ZCCHC17: variants seen among roughly 807,000 people sequenced by gnomAD.
The protein encoded by ZCCHC17 is zinc finger CCHC-type containing 17.
Under a neutral mutation model 30.6 loss-of-function variants are expected in ZCCHC17, and 18 were observed. That is an observed-to-expected ratio of 0.59 (90% CI 0.41 to 0.87). The LOEUF is 0.87. Ranked by LOEUF, ZCCHC17 falls within the 40% of genes least tolerant of loss-of-function variation. The pLI is 0.00. For synonymous variants in ZCCHC17, 88 were observed against 92.4 expected (o/e 0.95, Z 0.27); for missense variants, 263 against 284.2 (o/e 0.93, Z 0.54).
At chr1:31,325,283 A>G (rs1254685963) in intron 3 of ZCCHC17, among the ~76,000 whole-genome samples, 1 of 152,178 alleles carries the variant, frequency 6.6e-6, no homozygotes, top group Non-Finnish European at 1.5e-5. Context: ...CTTACCCTCC[A>G]GTTGTCTGCT....
At chr1:31,351,733 C>T (rs1252268039) in intron 7 of ZCCHC17, among the ~76,000 whole-genome samples, 2 of 152,134 alleles carry the variant, frequency 1.3e-5, no homozygotes, top group Non-Finnish European at 2.9e-5. Flanking sequence ...CAGAGCGAGA[C>T]CCTGCCTCAA....
intron 2 of ZCCHC17, among the ~76,000 whole-genome samples, chr1:31,317,378 G>A (rs1420395425): frequency 6.6e-6 from 1 of 152,076 alleles, no homozygotes; most frequent in Non-Finnish European, 1.5e-5. Flanking sequence ...ATCTTTTTGT[G>A]CTTCAGTGTC....
rs1279661466 is a variant in ZCCHC17, at chr1:31,338,904, C to A, written c.226-53C>A. 5 of 1,193,566 alleles carry A rather than the reference C, an allele frequency of 4.2e-6. No homozygotes were observed. In the African/African-American group the frequency reaches 6.1e-5, roughly 15 times the overall value. The allele number at this position is 1,193,566 out of a possible 1,614,324, so 73.9% of individuals were successfully genotyped here. The stretch of plus-strand genomic sequence containing the variant: ...ACGTTGACTCTTAATTTTAGACTGG[C>A]CATCTAAATGATGTATTTAAAGTTT... On this transcript the variant is annotated intron_variant, in intron 4 of 7. Coordinates refer to ENST00000344147, the MANE Select transcript of ZCCHC17 (RefSeq NM_016505.4).
chr1:31,307,854 C>T (rs909727012), intron 1 of ZCCHC17, among the ~76,000 whole-genome samples: 5 of 152,146 alleles, frequency 3.3e-5, no homozygotes, highest in Non-Finnish European at 5.9e-5. Flanking sequence ...GGATTACAGG[C>T]GTGAGCCACT....
At chr1:31,350,893 C>T (rs965024166) in intron 7 of ZCCHC17, among the ~76,000 whole-genome samples, 9 of 152,152 alleles carry the variant, frequency 5.9e-5, no homozygotes, top group Middle Eastern at 3.2e-3. Context: ...TGAGCCTCCG[C>T]GCCTGGCAAA....
At chr1:31,350,764 TAA>T (rs1296360691) in intron 7 of ZCCHC17, among the ~76,000 whole-genome samples, 1 of 152,130 alleles carries the variant, frequency 6.6e-6, no homozygotes, top group Non-Finnish European at 1.5e-5. Flanking sequence ...CATGCCCGGC[TAA>T]TTTTTGTATT....
chr1:31,298,368 T>G (rs561267021), intron 1 of ZCCHC17, among the ~76,000 whole-genome samples: 1 of 139,962 alleles, frequency 7.1e-6, no homozygotes, highest in Admixed American at 7.5e-5. Flanking sequence ...AGAAGATGAT[T>G]AGAGACCAGT....
intron 7 of ZCCHC17, among the ~76,000 whole-genome samples, chr1:31,350,947 ATGACAATGTTCT>A (rs1262841282): frequency 6.6e-6 from 1 of 152,130 alleles, no homozygotes; most frequent in African/African-American, 2.4e-5. Flanking sequence ...GTGATCTTTG[ATGACAATGTTCT>A]TGCAGAGGGA....
chr1:31,355,128 T>C (rs1008266167), intron 7 of ZCCHC17, among the ~76,000 whole-genome samples: 1 of 150,214 alleles, frequency 6.7e-6, no homozygotes, highest in South Asian at 2.1e-4. Context: ...TGAGCCGAGA[T>C]TGCGCCACTG....
chr1:31,329,206 C>T (rs1638481062), intron 3 of ZCCHC17, among the ~76,000 whole-genome samples: 1 of 152,118 alleles, frequency 6.6e-6, no homozygotes, highest in Admixed American at 6.5e-5. Context: ...GGAAAATGAA[C>T]AAATGTATTT....
intron 3 of ZCCHC17, among the ~76,000 whole-genome samples, chr1:31,324,837 A>G (rs72878207): frequency 0.093 from 14,063 of 150,644 alleles, 2,208 homozygotes; most frequent in African/African-American, 0.32. Context: ...AGAGGCAGAC[A>G]GGCTCCTGGG....
At chr1:31,300,251 G>A (rs961318117) in intron 1 of ZCCHC17, among the ~76,000 whole-genome samples, 7 of 152,128 alleles carry the variant, frequency 4.6e-5, no homozygotes, top group Non-Finnish European at 1.0e-4. Flanking sequence ...ATAGAGATAA[G>A]GTCTTGCCAT....
intron 1 of ZCCHC17, among the ~76,000 whole-genome samples, chr1:31,298,387 G>T (rs6688094): frequency 0.052 from 7,194 of 138,658 alleles, 398 homozygotes; most frequent in South Asian, 0.21. Flanking sequence ...GTTTTTTTTT[G>T]TTTTTTTTTT....
At chr1:31,327,428 C>CTG (rs1638401141) in intron 3 of ZCCHC17, among the ~76,000 whole-genome samples, 1 of 152,248 alleles carries the variant, frequency 6.6e-6, no homozygotes, top group South Asian at 2.1e-4. Context: ...GTAGTCCCCA[C>CTG]TCATCTGTGC....
chr1:31,337,109 T>A, intron 3 of ZCCHC17, 66 bp from the exon 4 acceptor site: 1 of 1,423,262 alleles, frequency 7.0e-7, no homozygotes, highest in Non-Finnish European at 9.7e-7. Context: ...TACCTTCTTA[T>A]CCAGTTTAGA....
At chr1:31,298,004 C>T (rs1434909338) in intron 1 of ZCCHC17, among the ~76,000 whole-genome samples, 3 of 152,200 alleles carry the variant, frequency 2.0e-5, no homozygotes, top group South Asian at 4.1e-4. Context: ...TACCACTGAG[C>T]CGTCTTCCCC....
intron 5 of ZCCHC17, among the ~76,000 whole-genome samples, chr1:31,345,931 G>T (rs1435369609): frequency 2.0e-5 from 3 of 152,084 alleles, no homozygotes; most frequent in African/African-American, 7.2e-5. Flanking sequence ...AGATTTTTGT[G>T]TGTGGGGGAA....
rs1646800627 is a variant in ZCCHC17, at chr1:31,319,101, C to T, written c.67-8C>T. On this transcript the variant is annotated splice_polypyrimidine_tract_variant and splice_region_variant and intron_variant, in intron 2 of 7. Coordinates refer to ENST00000344147, the MANE Select transcript of ZCCHC17 (RefSeq NM_016505.4). ...TGTGACATTGATTTTTTTCCCCCATCTTTATAGGTTGCTATGGTGACAGAC... is the reference window on the plus strand; with the variant it reads ...TGTGACATTGATTTTTTTCCCCCATTTTTATAGGTTGCTATGGTGACAGAC... The T allele has an allele frequency of 2.5e-6, 4 of 1,605,860 alleles. No homozygotes were observed. In the East Asian group the frequency reaches 8.9e-5, roughly 36 times the overall value.
chr1:31,319,330 G>A (rs760997580), intron 3 of ZCCHC17, among the ~76,000 whole-genome samples, 164 bp downstream of exon 3: 4 of 152,060 alleles, frequency 2.6e-5, no homozygotes, highest in East Asian at 3.9e-4. Flanking sequence ...CATTTTTAGC[G>A]GGCAGAGAAT....
Sources: gnomAD v4.1 joint callset for allele counts (sites outside exome capture counted in the v4.1 genomes callset) on GRCh38, gnomAD v4.1.1 for gene constraint, MANE v1.5 for transcripts, NCBI Gene and HGNC (gene_info 2026-07-23, HGNC 2026-07-21) for gene names.